The following CNKSR2 variants were observed in gnomAD, a reference collection of about 807,000 sequenced individuals.
The protein encoded by CNKSR2 is connector enhancer of kinase suppressor of Ras 2, also known as CNK homolog protein 2.
Under a neutral mutation model 84.4 loss-of-function variants are expected in CNKSR2, and 14 were observed. That is an observed-to-expected ratio of 0.17 (90% CI 0.11 to 0.26). The LOEUF is 0.26. Among genes scored for constraint, CNKSR2 ranks in the 10% least tolerant of loss-of-function variants. CNKSR2 has a pLI of 1.00. For synonymous variants in CNKSR2, 275 were observed against 277.9 expected, an observed-to-expected ratio of 0.99 and a Z score of 0.10; for missense variants, 485 against 771.2, an observed-to-expected ratio of 0.63 and a Z score of 4.40.
At chrX:21,482,405 C>G (rs894784255) in intron 5 of CNKSR2, among the ~76,000 whole-genome samples, 3 of 111,452 alleles carry the variant, frequency 2.7e-5, no homozygotes, top group Non-Finnish European at 3.8e-5. Context: ...TCATGGATCC[C>G]CGAGTGTCAT....
chrX:21,592,675 A>C (rs1010587855), intron 15 of CNKSR2: 5 of 111,573 alleles, frequency 4.5e-5, no homozygotes, highest in Non-Finnish European at 9.4e-5. Flanking sequence ...TATCACCTAT[A>C]TAAAAATATT....
intron 21 of CNKSR2, among the ~76,000 whole-genome samples, chrX:21,651,121 A>G (rs1464584984): frequency 9.0e-6 from 1 of 111,388 alleles, no homozygotes; most frequent in Non-Finnish European, 1.9e-5. Flanking sequence ...ATTTTCTTCC[A>G]GTGACAAAAT....
intron 19 of CNKSR2, among the ~76,000 whole-genome samples, chrX:21,607,360 C>A (rs763713990): frequency 9.0e-6 from 1 of 111,544 alleles, no homozygotes; most frequent in African/African-American, 3.3e-5. Flanking sequence ...GTGTGTCAGA[C>A]AAATCTCTGT....
chrX:21,643,598 G>A (rs939752630), intron 20 of CNKSR2: 11 of 111,481 alleles, frequency 9.9e-5, no homozygotes, highest in Non-Finnish European at 1.7e-4. Context: ...TGTTGGTGGA[G>A]TCACTCAAAC....
intron 6 of CNKSR2, chrX:21,494,585 T>C (rs977818159): frequency 2.7e-5 from 3 of 110,804 alleles, no homozygotes; most frequent in African/African-American, 9.9e-5. Context: ...AGACTCCCTT[T>C]ATGGGAGTCT....
chrX:21,568,415 G>C (rs189680021), intron 13 of CNKSR2, among the ~76,000 whole-genome samples: 1 of 112,149 alleles, frequency 8.9e-6, no homozygotes, highest in Non-Finnish European at 1.9e-5. Flanking sequence ...GAATACTGAT[G>C]TAATTTTGGA....
chrX:21,566,862 C>T (rs1885940923), intron 13 of CNKSR2, among the ~76,000 whole-genome samples: 1 of 111,149 alleles, frequency 9.0e-6, no homozygotes, highest in Non-Finnish European at 1.9e-5. Context: ...GGGTTCAACT[C>T]ATTATCCTAT....
At position 21,442,501 on chromosome X, in the gene CNKSR2, C is replaced by T. The variant is rs144302686; in HGVS notation, c.519+1720C>T. On this transcript the variant is annotated intron_variant, in intron 4 of 21. Transcript: ENST00000379510. ...AACACAAAAATGATGAATTAGATTG[C>T]CACTAGTTAAGAAATAAGCACAAAA... Among the ~76,000 whole-genome samples the T allele has an allele frequency of 9.5e-3, 1,058 of 111,572 alleles. 12 individuals carry two copies. The highest frequency in any genetic ancestry group is 0.032 in the African/African-American group (971 of 30,785).
rs746325921 is a variant in CNKSR2, at chrX:21,601,365, T to G, written c.2044+16T>G. 1.0e-6 allele frequency: 1 copy of G among 1,001,715 alleles called. No individual in the cohort carries two copies. Among genetic ancestry groups the G allele is most frequent in the Admixed American group, 2.4e-5 (1 of 41,417 alleles). The allele number at this position is 1,001,715 out of a possible 1,213,427, so 82.6% of individuals were successfully genotyped here. On this transcript the variant is annotated intron_variant, in intron 18 of 21. Coordinates refer to ENST00000379510, the MANE Select transcript of CNKSR2 (RefSeq NM_014927.5). ...CAGGAACAAGGTAAAGGAATACTTT[T>G]TTAAAATAATTATGTTATACTTTTT... is the stretch of plus-strand genomic sequence containing the variant.
intron 1 of CNKSR2, among the ~76,000 whole-genome samples, chrX:21,381,144 T>C (rs767067974): frequency 1.3e-4 from 15 of 112,234 alleles, no homozygotes; most frequent in African/African-American, 4.5e-4. Context: ...TTGTGTTTTT[T>C]TTGTTTTTTG....
At chrX:21,629,446 G>A (rs911079676) in intron 20 of CNKSR2, among the ~76,000 whole-genome samples, 2 of 111,883 alleles carry the variant, frequency 1.8e-5, no homozygotes, top group African/African-American at 6.5e-5. Flanking sequence ...CCCAAGACTG[G>A]GCAATTTACA....
rs150741323 is a variant in CNKSR2, at chrX:21,472,129, G to A, written c.561+1322G>A. ...TACAAATTGTACTATCTTTTTTCCC[G>A]TGGAACCCAGGGCTACTGTCTAGCT... On this transcript the variant is annotated intron_variant, in intron 5 of 21. Coordinates refer to ENST00000379510, the MANE Select transcript of CNKSR2 (RefSeq NM_014927.5). Among the ~76,000 whole-genome samples, 1,111 of 111,134 alleles carry A rather than the reference G, an allele frequency of 1.0e-2. 11 individuals carry two copies. The highest frequency in any genetic ancestry group is 0.033 in the African/African-American group (1,024 of 30,629).
intron 5 of CNKSR2, among the ~76,000 whole-genome samples, chrX:21,477,303 C>T (rs1484440312): frequency 8.9e-6 from 1 of 111,888 alleles, no homozygotes; most frequent in East Asian, 2.8e-4. Context: ...ATAATAAATA[C>T]TGCAAATGCC....
intron 5 of CNKSR2, among the ~76,000 whole-genome samples, chrX:21,474,981 T>C (rs1163754400): frequency 7.1e-5 from 8 of 112,220 alleles, no homozygotes; most frequent in Non-Finnish European, 1.5e-4. Flanking sequence ...GTATAATGGT[T>C]AAATATAGCA....
intron 4 of CNKSR2, among the ~76,000 whole-genome samples, chrX:21,451,615 G>C (rs760933431): frequency 1.0e-5 from 1 of 99,521 alleles, no homozygotes; most frequent in African/African-American, 3.7e-5. Context: ...ACCAAACACC[G>C]CATGTTCTCA....
intron 13 of CNKSR2, among the ~76,000 whole-genome samples, chrX:21,568,236 C>T (rs755133520): frequency 9.4e-4 from 105 of 111,590 alleles, no homozygotes; most frequent in African/African-American, 3.4e-3. Context: ...TACAGTGAGC[C>T]ATGTTTGCAC....
chrX:21,482,302 T>A (rs754388207), intron 5 of CNKSR2, among the ~76,000 whole-genome samples: 2 of 112,160 alleles, frequency 1.8e-5, no homozygotes, highest in East Asian at 5.6e-4. Flanking sequence ...GGCAACAACA[T>A]GTCATTGTGA....
intron 4 of CNKSR2, chrX:21,441,211 A>G (rs2090778898): frequency 9.0e-6 from 1 of 111,282 alleles, no homozygotes. Context: ...ATATCCAAAC[A>G]TATCTTTTAG....
At chrX:21,408,709 C>T (rs748224696) in intron 1 of CNKSR2, among the ~76,000 whole-genome samples, 5 of 110,730 alleles carry the variant, frequency 4.5e-5, no homozygotes, top group African/African-American at 1.6e-4. Flanking sequence ...AAAGATTTGT[C>T]TTCTCATATG....
Sources: allele counts gnomAD v4.1 joint callset (sites outside exome capture counted in the v4.1 genomes callset), GRCh38; gene constraint gnomAD v4.1.1; transcripts MANE v1.5; gene names NCBI Gene and HGNC (gene_info 2026-07-23, HGNC 2026-07-21).